Variants in MED12L observed in about 807,000 individuals in gnomAD.
MED12L encodes mediator of RNA polymerase II transcription subunit 12-like protein.
MED12L carries 60 observed loss-of-function variants against 281.3 expected under a neutral mutation model. That is an observed-to-expected ratio of 0.21 (90% CI 0.17 to 0.26). The LOEUF (loss-of-function observed/expected upper bound fraction) is 0.26, where lower values mean the gene tolerates loss of function less well. Ranked by LOEUF, MED12L falls within the 10% of genes least tolerant of loss-of-function variation. The pLI, the probability that MED12L is intolerant of heterozygous loss-of-function variation, is 1.00. For synonymous variants in MED12L, 974 were observed against 987.2 expected (o/e 0.99, Z 0.25); for missense variants, 2,146 against 2,680.9 (o/e 0.80, Z 4.41).
At chr3:151,375,579 G>C (rs1345512405) in intron 27 of MED12L, among the ~76,000 whole-genome samples, 1 of 152,070 alleles carries the variant, frequency 6.6e-6, no homozygotes, top group Non-Finnish European at 1.5e-5. Flanking sequence ...ATTCATAATA[G>C]TATCAAAAAG....
intron 16 of MED12L, chr3:151,327,792 T>A: frequency 2.4e-6 from 1 of 413,752 alleles, no homozygotes; most frequent in Non-Finnish European, 4.3e-6. Context: ...TTGTATCCTG[T>A]TGCATTCTCT....
intron 16 of MED12L, among the ~76,000 whole-genome samples, chr3:151,242,903 A>C (rs2149392338): frequency 6.7e-6 from 1 of 150,150 alleles, no homozygotes; most frequent in African/African-American, 2.4e-5. Context: ...AGAATAACCA[A>C]TACAGAGAAG....
At chr3:151,393,334 T>C (rs1217734356) in intron 38 of MED12L, among the ~76,000 whole-genome samples, 1 of 152,216 alleles carries the variant, frequency 6.6e-6, no homozygotes, top group African/African-American at 2.4e-5. Context: ...CAGCATTCCC[T>C]GAATCTACAT....
At chr3:151,372,817 G>C (rs778710469) in intron 27 of MED12L, 51 bp downstream of exon 27, 1 of 1,436,170 alleles carries the variant, frequency 7.0e-7, no homozygotes, top group Admixed American at 1.7e-5. Flanking sequence ...TCTTCTTTTG[G>C]AGAGAGCTAC....
intron 43 of MED12L, among the ~76,000 whole-genome samples, chr3:151,420,582 G>A (rs1358573149): frequency 6.6e-6 from 1 of 152,154 alleles, no homozygotes; most frequent in Non-Finnish European, 1.5e-5. Flanking sequence ...CTGATTAAGA[G>A]CATACACGGC....
Position 151,165,862 on chromosome 3 carries a change from G to T in MED12L, c.1374G>T (p.Arg458=). The T allele has an allele frequency of 6.2e-7, 1 of 1,613,710 alleles. No homozygotes were observed. Among genetic ancestry groups the T allele is most frequent in the Non-Finnish European group, 8.5e-7 (1 of 1,179,912 alleles). The change falls in exon 11 of 45, where the codon CGG becomes CGT. Residue 458 remains arginine (R), a synonymous_variant. Coordinates refer to ENST00000687756, the MANE Select transcript of MED12L (RefSeq NM_001393769.1). ...QESTAGVTIS[R]VLHTLEVLDR... ...TGCCTATAGGGGTGACTATTAGTCGGGTTTTGCACACGTTGGAAGTTTTGG... is the reference window on the plus strand; with the variant it reads ...TGCCTATAGGGGTGACTATTAGTCGTGTTTTGCACACGTTGGAAGTTTTGG...
chr3:151,318,135 ATT>A (rs750362515), intron 16 of MED12L, among the ~76,000 whole-genome samples: 2 of 145,216 alleles, frequency 1.4e-5, no homozygotes, highest in African/African-American at 2.5e-5. Context: ...TACAATTTTA[ATT>A]TTTTTTTTTT....
chr3:151,241,304 A>G (rs1234122702), intron 16 of MED12L, among the ~76,000 whole-genome samples: 1 of 152,244 alleles, frequency 6.6e-6, no homozygotes, highest in Non-Finnish European at 1.5e-5. Flanking sequence ...CAAATGTTAA[A>G]ATATATGTAT....
chr3:151,406,964 T>C (rs758315027), intron 39 of MED12L, among the ~76,000 whole-genome samples: 6 of 152,006 alleles, frequency 3.9e-5, no homozygotes, highest in Admixed American at 1.3e-4. Context: ...CACATCCAGC[T>C]AATTTTTTGT....
intron 5 of MED12L, among the ~76,000 whole-genome samples, chr3:151,141,187 G>GTTTTTTTTTTTTTTTTTTTTTTTTTTTT: frequency 2.0e-5 from 2 of 99,118 alleles, no homozygotes; most frequent in South Asian, 3.5e-4. Flanking sequence ...TGTTTTTTTT[G>GTTTTTTTTTTTTTTTTTTTTTTTTTTTT]TTTTTTTTTT....
intron 2 of MED12L, among the ~76,000 whole-genome samples, chr3:151,100,977 G>A (rs1721317869): frequency 6.6e-6 from 1 of 152,128 alleles, no homozygotes; most frequent in African/African-American, 2.4e-5. Flanking sequence ...TTTTCAATCT[G>A]TTGTAGATTA....
At chr3:151,396,086 A>C (rs1437121197) in intron 39 of MED12L, among the ~76,000 whole-genome samples, 1 of 152,222 alleles carries the variant, frequency 6.6e-6, no homozygotes, top group Non-Finnish European at 1.5e-5. Flanking sequence ...GTCAGAAAGG[A>C]TGAGTCTAAG....
chr3:151,147,209 C>G (rs141653024), intron 5 of MED12L, among the ~76,000 whole-genome samples: 3 of 152,304 alleles, frequency 2.0e-5, no homozygotes, highest in Admixed American at 6.5e-5. Flanking sequence ...TGTCTCCCCC[C>G]ACCTGTGAAA....
At chr3:151,297,972 G>T (rs535198327) in intron 16 of MED12L, among the ~76,000 whole-genome samples, 1 of 152,020 alleles carries the variant, frequency 6.6e-6, no homozygotes, top group South Asian at 2.1e-4. Context: ...GCCTGTTATG[G>T]GTTATTTGCT....
At chr3:151,105,761 A>G (rs1037103971) in intron 2 of MED12L, among the ~76,000 whole-genome samples, 1 of 151,736 alleles carries the variant, frequency 6.6e-6, no homozygotes, top group East Asian at 1.9e-4. Flanking sequence ...CGACTTTAAG[A>G]CTCCAGCCTA....
At chr3:151,119,579 C>T (rs1180005808) in intron 3 of MED12L, among the ~76,000 whole-genome samples, 1 of 152,160 alleles carries the variant, frequency 6.6e-6, no homozygotes, top group Non-Finnish European at 1.5e-5. Context: ...AATATAGTCA[C>T]ATTGAGGGTT....
At chr3:151,168,188 A>C (rs1720960841) in intron 11 of MED12L, among the ~76,000 whole-genome samples, 1 of 152,222 alleles carries the variant, frequency 6.6e-6, no homozygotes, top group African/African-American at 2.4e-5. Flanking sequence ...TGTAAATCAC[A>C]GATATCTCCG....
chr3:151,149,218 T>G (rs923909753), intron 5 of MED12L, among the ~76,000 whole-genome samples: 1 of 152,144 alleles, frequency 6.6e-6, no homozygotes, highest in African/African-American at 2.4e-5. Context: ...GACAAAGCCC[T>G]GCTAGGTGAT....
chr3:151,183,896 T>C (rs548425473), intron 11 of MED12L, among the ~76,000 whole-genome samples: 2 of 152,364 alleles, frequency 1.3e-5, no homozygotes, highest in East Asian at 1.9e-4. Context: ...GCAGTATTTT[T>C]AGGGTAACTC....
Sources: gnomAD v4.1 joint callset for allele counts (sites outside exome capture counted in the v4.1 genomes callset) on GRCh38, gnomAD v4.1.1 for gene constraint, MANE v1.5 for transcripts, NCBI Gene and HGNC (gene_info 2026-07-23, HGNC 2026-07-21) for gene names.